Variants in PLB1 observed in about 807,000 individuals in gnomAD.
PLB1 encodes phospholipase B1.
A neutral mutation model predicts 227.4 loss-of-function variants in PLB1; 242 were observed. The ratio of observed to expected loss-of-function variants is 1.06; its 90% CI spans 0.96 to 1.18. PLB1 has a LOEUF of 1.18. Ranked by LOEUF, PLB1 falls within the 50% of genes most tolerant of loss-of-function variation. PLB1 has a pLI of 0.00. For synonymous variants in PLB1, 757 were observed against 682.2 expected (o/e 1.11, Z -1.71); for missense variants, 1,858 against 1,816.3 (o/e 1.02, Z -0.42).
At chr2:28,585,546 G>A in intron 25 of PLB1, 1 of 484,228 alleles carries the variant, frequency 2.1e-6, no homozygotes, top group East Asian at 3.9e-5. Flanking sequence ...CAAAGTGCTG[G>A]CATTACAGGC....
Position 28,533,681 on chromosome 2 carries a change from C to A in PLB1, c.555+1487C>A, listed in dbSNP as rs536937900. Among the ~76,000 whole-genome samples, 3 of 152,278 alleles carry A rather than the reference C, an allele frequency of 2.0e-5. No homozygotes were observed. The South Asian group carries it at 6.2e-4, about 32-fold the overall frequency. ...AGACATATGCTATTGTATTTGTGAT[C>A]AGTTTGTTCATGATAGCATATGATT... is the stretch of plus-strand genomic sequence containing the variant. On this transcript the variant is annotated intron_variant, in intron 9 of 57. Transcript: ENST00000327757.
intron 20 of PLB1, among the ~76,000 whole-genome samples, chr2:28,572,595 T>C (rs1573060682): frequency 6.6e-6 from 1 of 152,220 alleles, no homozygotes; most frequent in Non-Finnish European, 1.5e-5. Context: ...TACAGTTGCA[T>C]GCTACAACAT....
chr2:28,579,197 T>G (rs1300758211), intron 22 of PLB1, among the ~76,000 whole-genome samples: 1 of 152,236 alleles, frequency 6.6e-6, no homozygotes, highest in Non-Finnish European at 1.5e-5. Flanking sequence ...TCCCTCTTAA[T>G]GAAAGATGGT....
Position 28,540,357 on chromosome 2 carries a change from A to AACCTG in PLB1, c.699-8_699-4dup. 2 of 1,613,558 alleles carry AACCTG rather than the reference A, an allele frequency of 1.2e-6. No individual in the cohort carries two copies. Among genetic ancestry groups the AACCTG allele is most frequent in the Middle Eastern group, 3.3e-4 (2 of 6,062 alleles). The stretch of plus-strand genomic sequence containing the variant: ...CCCTCTCTCATTCCTGGTGTGTTTT[A>AACCTG]ACCTGCAGCCCTGCACCAGAGCCCT... On this transcript the variant is annotated splice_polypyrimidine_tract_variant and intron_variant, in intron 11 of 57. Coordinates refer to ENST00000327757, the MANE Select transcript of PLB1 (RefSeq NM_153021.5).
rs577119532 is a variant in PLB1 at position 28,573,641 on chromosome 2, A to G, written c.1433+336A>G. On this transcript the variant is annotated intron_variant, in intron 21 of 57. Transcript: ENST00000327757. ...CACTGCTATGTCACTGCTGTTTCAG[A>G]GTCCTGCTCTCCCTCCCTTCCTCAG... Among the ~76,000 whole-genome samples, 15 of 152,328 alleles carry G rather than the reference A, an allele frequency of 9.8e-5. No individual in the cohort carries two copies. The South Asian group carries it at 2.9e-3, about 29-fold the overall frequency.
In PLB1 at chr2:28,598,742, T is replaced by C. The variant is rs1219088243; in HGVS notation, c.2456T>C (p.Val819Ala). The C allele has an allele frequency of 6.2e-7, 1 of 1,613,610 alleles. No individual in the cohort carries two copies. Among genetic ancestry groups the C allele is most frequent in the East Asian group, 2.2e-5 (1 of 44,878 alleles). ...ACGAATGCATTCCTCAATCAAGCTGTTCCCGGAGCAAAGGCTGAGTATGGC... is the reference window on the plus strand; with the variant it reads ...ACGAATGCATTCCTCAATCAAGCTGCTCCCGGAGCAAAGGCTGAGTATGGC... ...NDTNAFLNQA[V>A]PGAKAEDLMS... The change falls in exon 35 of 58, where the codon GTT (valine) becomes GCT (alanine). Residue 819 changes from valine (V) to alanine (A), a missense_variant. By Grantham distance (64) the Val-to-Ala change is moderately conservative. Coordinates refer to ENST00000327757, the MANE Select transcript of PLB1 (RefSeq NM_153021.5).
At chr2:28,635,752 CTGCCTT>C (rs561311779) in intron 56 of PLB1, among the ~76,000 whole-genome samples, 2 of 152,376 alleles carry the variant, frequency 1.3e-5, no homozygotes, top group Admixed American at 1.3e-4. Context: ...TCCTCTTCCT[CTGCCTT>C]CTTCTGTCTT....
intron 52 of PLB1, 149 bp downstream of exon 52, chr2:28,628,777 C>A: frequency 1.2e-6 from 1 of 801,312 alleles, no homozygotes. Flanking sequence ...TGTCAAGCTC[C>A]TCTGCAGGGA....
At chr2:28,578,193 T>A (rs770198954) in intron 22 of PLB1, 35 bp downstream of exon 22, 1 of 1,602,606 alleles carries the variant, frequency 6.2e-7, no homozygotes, top group Non-Finnish European at 8.5e-7. Flanking sequence ...GCAGGAAAAA[T>A]CCCTGGACAC....
chr2:28,546,482 C>T (rs533732553), intron 14 of PLB1, among the ~76,000 whole-genome samples: 80 of 152,274 alleles, frequency 5.3e-4, no homozygotes, highest in African/African-American at 1.9e-3. Flanking sequence ...TGGCAGGAAG[C>T]CGTGCTGGGG....
chr2:28,629,635 C>G (rs750177749), intron 53 of PLB1, among the ~76,000 whole-genome samples: 12 of 152,196 alleles, frequency 7.9e-5, no homozygotes, highest in Non-Finnish European at 1.5e-4. Flanking sequence ...GTGATGACAC[C>G]TTCCCTGCAA....
intron 10 of PLB1, 34 bp downstream of exon 10, chr2:28,538,415 A>G (rs7589254): frequency 0.92 from 1,466,396 of 1,595,806 alleles, 676,968 homozygotes; most frequent in East Asian, 0.99. Flanking sequence ...CCCCAAGGGC[A>G]GTGGGGCCCA....
chr2:28,580,244 C>T (rs191993769), intron 23 of PLB1, among the ~76,000 whole-genome samples: 71 of 152,366 alleles, frequency 4.7e-4, no homozygotes, highest in African/African-American at 1.7e-3. Context: ...GGCATACCCA[C>T]TAGTCTCCCA....
intron 10 of PLB1, 43 bp downstream of exon 10, chr2:28,538,424 C>G: frequency 6.4e-7 from 1 of 1,564,536 alleles, no homozygotes; most frequent in South Asian, 1.1e-5. Flanking sequence ...CAGTGGGGCC[C>G]ATTTACCCTC....
At chr2:28,622,169 G>A (rs952991042) in intron 49 of PLB1, among the ~76,000 whole-genome samples, 4 of 152,164 alleles carry the variant, frequency 2.6e-5, no homozygotes, top group African/African-American at 9.7e-5. Context: ...CTATTCTGTT[G>A]TTTATTAGCA....
intron 1 of PLB1, 144 bp from the exon 2 acceptor site, chr2:28,516,664 A>G (rs1283404752): frequency 2.9e-6 from 2 of 694,006 alleles, no homozygotes; most frequent in Non-Finnish European, 5.0e-6. Context: ...ATAGCTGGAC[A>G]AATAGAATCT....
At chr2:28,629,804 G>A (rs1259508906) in intron 53 of PLB1, among the ~76,000 whole-genome samples, 5 of 152,186 alleles carry the variant, frequency 3.3e-5, no homozygotes, top group African/African-American at 7.2e-5. Flanking sequence ...AACTCCTATC[G>A]GGGGCTGGAA....
intron 1 of PLB1, among the ~76,000 whole-genome samples, chr2:28,500,889 G>T (rs1257550294): frequency 6.6e-6 from 1 of 152,288 alleles, no homozygotes; most frequent in African/African-American, 2.4e-5. Context: ...GGTAACTTCT[G>T]TGGCCCTATC....
intron 51 of PLB1, 58 bp from the exon 52 acceptor site, chr2:28,628,505 T>C: frequency 6.6e-7 from 1 of 1,513,702 alleles, no homozygotes; most frequent in South Asian, 1.1e-5. Flanking sequence ...CCTATGCTCT[T>C]GCCATTCTCT....
Sources: gnomAD v4.1 joint callset for allele counts (sites outside exome capture counted in the v4.1 genomes callset) on GRCh38, gnomAD v4.1.1 for gene constraint, MANE v1.5 for transcripts, NCBI Gene and HGNC (gene_info 2026-07-23, HGNC 2026-07-21) for gene names.